BABAM2: variants seen among roughly 807,000 people sequenced by gnomAD.
The protein encoded by BABAM2 is BRISC and BRCA1-A complex member 2.
A neutral mutation model predicts 54.7 loss-of-function variants in BABAM2; 31 were observed. That is an observed-to-expected ratio of 0.57 (90% CI 0.43 to 0.77). The LOEUF is 0.77. Ranked by LOEUF, BABAM2 falls within the 30% of genes least tolerant of loss-of-function variation. BABAM2 has a pLI of 0.00. For synonymous variants in BABAM2, 167 were observed against 162.9 expected, an observed-to-expected ratio of 1.03 and a Z score of -0.19; for missense variants, 364 against 455.8, an observed-to-expected ratio of 0.80 and a Z score of 1.83.
intron 7 of BABAM2, among the ~76,000 whole-genome samples, chr2:28,132,082 C>A (rs1336881701): frequency 6.6e-6 from 1 of 151,858 alleles, no homozygotes; most frequent in Non-Finnish European, 1.5e-5. Context: ...AGTCATTTTT[C>A]CAATCTCCAA....
At chr2:27,908,492 C>T (rs1056666673) in intron 2 of BABAM2, among the ~76,000 whole-genome samples, 17 of 152,168 alleles carry the variant, frequency 1.1e-4, no homozygotes, top group East Asian at 1.9e-4. Context: ...AGGCTGGTCT[C>T]GAACTCTTGG....
rs1340329292 is a variant in BABAM2, at chr2:28,160,281, A to G, written c.680+30901A>G. ...CCAGGACTAGCCACTGCGCCTGGCCATGATTGGTTTTTAGTATATTCTTTT... is the reference window on the plus strand; with the variant it reads ...CCAGGACTAGCCACTGCGCCTGGCCGTGATTGGTTTTTAGTATATTCTTTT... On this transcript the variant is annotated intron_variant, in intron 7 of 11. Transcript: ENST00000379624. Among the ~76,000 whole-genome samples the G allele has an allele frequency of 9.8e-5, 15 of 152,296 alleles. No homozygotes were observed. The East Asian group carries it at 1.7e-3, about 18-fold the overall frequency.
intron 2 of BABAM2, among the ~76,000 whole-genome samples, chr2:27,910,358 A>G (rs958361436): frequency 1.3e-5 from 2 of 150,962 alleles, no homozygotes; most frequent in African/African-American, 2.5e-5. Flanking sequence ...AGTTGTTGCT[A>G]CTTCCCTCCC....
chr2:28,031,382 T>C (rs575555605), intron 5 of BABAM2, among the ~76,000 whole-genome samples: 2 of 152,294 alleles, frequency 1.3e-5, no homozygotes, highest in African/African-American at 4.8e-5. Flanking sequence ...TGCATTTCTT[T>C]TTTCTGCTAG....
chr2:28,073,796 C>T (rs989831036), intron 6 of BABAM2, among the ~76,000 whole-genome samples: 19 of 152,086 alleles, frequency 1.2e-4, no homozygotes, highest in Admixed American at 1.0e-3. Context: ...ATTAATGGTG[C>T]TAGATAGTAA....
Position 28,338,574 on chromosome 2 carries a change from A to G in BABAM2, c.*61A>G. On this transcript the variant is annotated 3_prime_UTR_variant, in exon 12 of 12. Transcript: ENST00000379624. ...CCTGTCCACATGCGTGTCAGCACAT[A>G]CAGCCGCTTCCTGGAAGCCGCCTGG... 1 of 1,584,058 alleles carries G rather than the reference A, an allele frequency of 6.3e-7. No individual in the cohort carries two copies. Among genetic ancestry groups the G allele is most frequent in the Non-Finnish European group, 8.7e-7 (1 of 1,153,644 alleles).
At chr2:28,152,826 C>T (rs184491854) in intron 7 of BABAM2, among the ~76,000 whole-genome samples, 7 of 152,238 alleles carry the variant, frequency 4.6e-5, no homozygotes, top group Admixed American at 4.6e-4. Context: ...AGGCATTGAG[C>T]CCTAAGTACA....
At chr2:28,201,237 A>T (rs1678240360) in intron 7 of BABAM2, among the ~76,000 whole-genome samples, 1 of 152,222 alleles carries the variant, frequency 6.6e-6, no homozygotes, top group Non-Finnish European at 1.5e-5. Context: ...CCAGTATGCA[A>T]CATGATAGCA....
intron 6 of BABAM2, among the ~76,000 whole-genome samples, chr2:28,052,773 A>G (rs1408664328): frequency 1.3e-5 from 2 of 152,198 alleles, no homozygotes; most frequent in African/African-American, 4.8e-5. Context: ...GTGTTAAAAA[A>G]CAAAGTGTGT....
At chr2:28,201,532 C>T (rs1678269856) in intron 7 of BABAM2, among the ~76,000 whole-genome samples, 1 of 152,118 alleles carries the variant, frequency 6.6e-6, no homozygotes, top group South Asian at 2.1e-4. Context: ...TAATATTCCG[C>T]TTGCATAAGA....
intron 2 of BABAM2, among the ~76,000 whole-genome samples, chr2:27,897,951 A>G (rs1665474092): frequency 6.6e-6 from 1 of 152,218 alleles, no homozygotes; most frequent in African/African-American, 2.4e-5. Context: ...TGCAGAAAGT[A>G]GAGTGATGTA....
chr2:28,178,699 G>GTT (rs33941613), intron 7 of BABAM2, among the ~76,000 whole-genome samples: 11,008 of 148,128 alleles, frequency 0.074, 445 homozygotes, highest in African/African-American at 0.098. Context: ...TAAAACAAAG[G>GTT]TTTTTTTTTT....
At chr2:27,940,975 A>G (rs1316270974) in intron 3 of BABAM2, among the ~76,000 whole-genome samples, 1 of 152,046 alleles carries the variant, frequency 6.6e-6, no homozygotes, top group African/African-American at 2.4e-5. Context: ...GGTAGAAATG[A>G]CTTCCTGAGC....
intron 10 of BABAM2, among the ~76,000 whole-genome samples, chr2:28,250,656 G>A (rs1220383249): frequency 1.3e-5 from 2 of 149,510 alleles, no homozygotes; most frequent in African/African-American, 2.5e-5. Flanking sequence ...CTGGAGTGCA[G>A]TGGCACGATC....
intron 6 of BABAM2, among the ~76,000 whole-genome samples, chr2:28,057,550 A>G (rs1457941525): frequency 6.6e-6 from 1 of 151,948 alleles, no homozygotes; most frequent in Non-Finnish European, 1.5e-5. Flanking sequence ...TTCTTCACCC[A>G]CATCTTAAAG....
chr2:28,155,872 A>T (rs1185373318), intron 7 of BABAM2, among the ~76,000 whole-genome samples: 1 of 152,190 alleles, frequency 6.6e-6, no homozygotes, highest in Non-Finnish European at 1.5e-5. Flanking sequence ...GGATTCTAGG[A>T]GGTGGAAATT....
chr2:28,249,075 G>A (rs7570192), intron 10 of BABAM2, among the ~76,000 whole-genome samples: 15,072 of 147,138 alleles, frequency 0.1, 1,090 homozygotes, highest in African/African-American at 0.21. Context: ...CTTTTTGTTT[G>A]TTTGTTTGCT....
intron 3 of BABAM2, among the ~76,000 whole-genome samples, chr2:27,977,630 AT>A (rs1338842807): frequency 3.9e-5 from 6 of 152,192 alleles, no homozygotes; most frequent in African/African-American, 1.4e-4. Context: ...AAATTAAGGC[AT>A]GGATTTTTGT....
At chr2:27,944,590 G>A (rs1228987435) in intron 3 of BABAM2, among the ~76,000 whole-genome samples, 1 of 152,102 alleles carries the variant, frequency 6.6e-6, no homozygotes, top group East Asian at 1.9e-4. Context: ...GCACTACATT[G>A]TATGGCTGTA....
Sources: gnomAD v4.1 joint callset for allele counts (sites outside exome capture counted in the v4.1 genomes callset) on GRCh38, gnomAD v4.1.1 for gene constraint, MANE v1.5 for transcripts, NCBI Gene and HGNC (gene_info 2026-07-23, HGNC 2026-07-21) for gene names.